Variants in PHACTR2 observed in about 807,000 individuals in gnomAD.
PHACTR2 encodes the protein phosphatase and actin regulator 2.
In PHACTR2, 30 loss-of-function variants were observed where a neutral mutation model predicts 76.0. That is an observed-to-expected ratio of 0.39 (90% CI 0.30 to 0.54). The LOEUF is 0.54. Among genes scored for constraint, PHACTR2 ranks in the 20% least tolerant of loss-of-function variants. The probability of loss-of-function intolerance (pLI) is 0.61; values close to 1 mark genes in which losing one functional copy is unlikely to be tolerated. For missense variants in PHACTR2, 696 were observed against 781.1 expected (o/e 0.89, Z 1.30); for synonymous variants, 292 against 292.5 (o/e 1.00, Z 0.02).
chr6:143,611,281 G>T lies in PHACTR2; in HGVS notation c.13+2959G>T, dbSNP rs1775970567. Among the ~76,000 whole-genome samples the T allele has an allele frequency of 6.6e-6, 1 of 152,184 alleles. No homozygotes were observed. The highest frequency in any genetic ancestry group is 1.5e-5 in the Non-Finnish European group (1 of 68,040). ...TTGGAGGGGAGGTGGCAGCTGCTGA[G>T]AGCCCCTGCGCCTTCACCGTGCATT... On this transcript the variant is annotated intron_variant, in intron 1 of 11. Transcript: ENST00000305766. The surrounding 1 kb of genome is among the most constrained non-coding windows in gnomAD (Gnocchi z 4.4).
At chr6:143,762,316 A>C (rs722754) in intron 5 of PHACTR2, among the ~76,000 whole-genome samples, 23,016 of 152,130 alleles carry the variant, frequency 0.15, 2,187 homozygotes, top group East Asian at 0.35. Context: ...CCGATGATTA[A>C]CACCAGGTCA....
At position 143,825,265 on chromosome 6, in the gene PHACTR2, A is replaced by ATT. The variant is rs1582918315; in HGVS notation, c.*1576_*1577insTT. ...ACTGTCATTTTCTATTTCAACCGAAAAGTAAGCATTTAACCCGGTGAATAA... is the reference window on the plus strand; with the variant it reads ...ACTGTCATTTTCTATTTCAACCGAAATTAGTAAGCATTTAACCCGGTGAATAA... On this transcript the variant is annotated 3_prime_UTR_variant, in exon 13 of 13. Coordinates refer to ENST00000440869, the MANE Select transcript of PHACTR2 (RefSeq NM_001100164.2). This position sits in a 1 kb window ranked among gnomAD's most constrained non-coding sequence, Gnocchi z 4.1. The ATT allele has an allele frequency of 2.0e-5, 3 of 152,378 alleles. No individual in the cohort carries two copies. The East Asian group carries it at 5.8e-4, about 29-fold the overall frequency. The allele number at this position is 152,378 out of a possible 1,614,324, so 9.4% of individuals were successfully genotyped here.
chr6:143,609,920 T>G (rs949172638), intron 1 of PHACTR2, among the ~76,000 whole-genome samples: 2 of 152,224 alleles, frequency 1.3e-5, no homozygotes, highest in East Asian at 3.8e-4. Flanking sequence ...GTTATGTTAT[T>G]AAATGCAATT....
At position 143,803,406 on chromosome 6, in the gene PHACTR2, G is replaced by A. The variant is rs1392774542; in HGVS notation, c.1846-3651G>A. Among the ~76,000 whole-genome samples, 2 of 152,100 alleles carry A rather than the reference G, an allele frequency of 1.3e-5. No individual in the cohort carries two copies. Among genetic ancestry groups the A allele is most frequent in the Non-Finnish European group, 2.9e-5 (2 of 68,030 alleles). On this transcript the variant is annotated intron_variant, in intron 11 of 12. Coordinates refer to ENST00000440869, the MANE Select transcript of PHACTR2 (RefSeq NM_001100164.2). This position sits in a 1 kb window ranked among gnomAD's most constrained non-coding sequence, Gnocchi z 4.7. ...CACAAAAGATACAAAAAATTAGCCA[G>A]GCATGATGGCGCACACCTGTAGGCC...
At chr6:143,544,322 C>A (rs1266685578) in intron 1 of PHACTR2, among the ~76,000 whole-genome samples, 1 of 151,802 alleles carries the variant, frequency 6.6e-6, no homozygotes, top group Non-Finnish European at 1.5e-5. Context: ...TTAGGCTTTC[C>A]TCTTGTTAAC....
chr6:143,792,827 A>G (rs1211543787), intron 11 of PHACTR2, among the ~76,000 whole-genome samples: 1 of 152,178 alleles, frequency 6.6e-6, no homozygotes, highest in Non-Finnish European at 1.5e-5. Context: ...AAATGTCCCA[A>G]GAGAACCAGG....
Position 143,733,061 on chromosome 6 carries a change from T to A in PHACTR2, c.215-15924T>A, listed in dbSNP as rs190877155. On this transcript the variant is annotated intron_variant, in intron 2 of 12. Transcript: ENST00000440869. The surrounding 1 kb of genome is among the most constrained non-coding windows in gnomAD (Gnocchi z 4.0). ...TGCACCACAACACCCAACTTAATTT[T>A]AAAAAAAAATTTTTTTTCATAGAGA... Among the ~76,000 whole-genome samples the A allele has an allele frequency of 8.0e-4, 122 of 151,784 alleles. No homozygotes were observed. Among genetic ancestry groups the A allele is most frequent in the East Asian group, 1.9e-3 (10 of 5,172 alleles).
chr6:143,792,677 C>T (rs530955995), intron 11 of PHACTR2, among the ~76,000 whole-genome samples: 1 of 152,278 alleles, frequency 6.6e-6, no homozygotes, highest in Non-Finnish European at 1.5e-5. Flanking sequence ...CCAAGATAAC[C>T]TCTCTAACAT....
chr6:143,669,359 G>A (rs1227433030), intron 1 of PHACTR2, among the ~76,000 whole-genome samples: 1 of 152,152 alleles, frequency 6.6e-6, no homozygotes, highest in Non-Finnish European at 1.5e-5. Flanking sequence ...CTGATTTGGG[G>A]TGTAGAGTTC....
In PHACTR2 at chr6:143,803,649, C is replaced by G. The variant is rs539323080; in HGVS notation, c.1846-3408C>G. ...TTTTGGAAAAATCAGATTCATCGAA[C>G]GATTTTTTGGCCAACAACTGTTTGA... On this transcript the variant is annotated intron_variant, in intron 11 of 12. Transcript: ENST00000440869. This position sits in a 1 kb window ranked among gnomAD's most constrained non-coding sequence, Gnocchi z 4.7. Among the ~76,000 whole-genome samples, 122 of 152,204 alleles carry G rather than the reference C, an allele frequency of 8.0e-4. 1 individual carries two copies. The highest frequency in any genetic ancestry group is 4.9e-3 in the Admixed American group (75 of 15,298).
chr6:143,762,820 T>A (rs2128472882), intron 5 of PHACTR2, among the ~76,000 whole-genome samples: 1 of 152,352 alleles, frequency 6.6e-6, no homozygotes, highest in African/African-American at 2.4e-5. Flanking sequence ...CCTTGATTTT[T>A]GTTTCTCATT....
At chr6:143,726,899 G>T (rs1354600509) in intron 2 of PHACTR2, among the ~76,000 whole-genome samples, 1 of 152,106 alleles carries the variant, frequency 6.6e-6, no homozygotes, top group East Asian at 1.9e-4. Flanking sequence ...TCAGGTCAGG[G>T]TATTTAGGAT....
At chr6:143,544,087 G>A (rs1274279122) in intron 1 of PHACTR2, among the ~76,000 whole-genome samples, 1 of 152,146 alleles carries the variant, frequency 6.6e-6, no homozygotes, top group African/African-American at 2.4e-5. Context: ...AGGCCACAGA[G>A]ACTAGAATTC....
chr6:143,814,159 G>C (rs544390509), intron 12 of PHACTR2, among the ~76,000 whole-genome samples: 3 of 152,164 alleles, frequency 2.0e-5, no homozygotes, highest in East Asian at 1.9e-4. Flanking sequence ...AGTTCGAGAC[G>C]AGCTTGGCCA....
intron 1 of PHACTR2, among the ~76,000 whole-genome samples, chr6:143,579,935 C>T (rs1432386536): frequency 6.6e-6 from 1 of 152,184 alleles, no homozygotes; most frequent in Non-Finnish European, 1.5e-5. Context: ...TGCGTCCAAG[C>T]TGACTCACGT....
At chr6:143,705,670 C>G (rs1405866236) in intron 1 of PHACTR2, among the ~76,000 whole-genome samples, 1 of 152,166 alleles carries the variant, frequency 6.6e-6, no homozygotes, top group Admixed American at 6.5e-5. Context: ...CCTGATGTTT[C>G]CCTTGTAGTT....
At chr6:143,808,854 C>T (rs533060647) in intron 12 of PHACTR2, among the ~76,000 whole-genome samples, 2 of 152,304 alleles carry the variant, frequency 1.3e-5, no homozygotes, top group South Asian at 4.1e-4. Context: ...TCAAGCCAGA[C>T]ATTTTTGTCC....
At chr6:143,788,967 TC>T in intron 11 of PHACTR2, 57 bp downstream of exon 11, 1 of 1,509,418 alleles carries the variant, frequency 6.6e-7, no homozygotes, top group Non-Finnish European at 9.2e-7. Flanking sequence ...AGCTCCAATA[TC>T]CACATCCCCC....
In PHACTR2 at chr6:143,543,613, T is replaced by C. The variant is rs1256212932; in HGVS notation, c.217+6406T>C. Among the ~76,000 whole-genome samples the C allele has an allele frequency of 2.6e-5, 4 of 152,028 alleles. No homozygotes were observed. The highest frequency in any genetic ancestry group is 2.1e-4 in the South Asian group (1 of 4,820). On this transcript the variant is annotated intron_variant, in intron 1 of 11. Coordinates refer to the PHACTR2 transcript ENST00000367584. The surrounding 1 kb of genome is among the most constrained non-coding windows in gnomAD (Gnocchi z 4.7). ...GGAGGAACTGAAAGATGGAGTTGGG[T>C]TGGGGAGGAAGAGTGTTTGGGGATG... is the stretch of plus-strand genomic sequence containing the variant.
Sources: allele counts gnomAD v4.1 joint callset (sites outside exome capture counted in the v4.1 genomes callset), GRCh38; gene constraint gnomAD v4.1.1; non-coding constraint Gnocchi (gnomAD v3.1); transcripts MANE v1.5; gene names NCBI Gene and HGNC (gene_info 2026-07-23, HGNC 2026-07-21).